Variants in STXBP5 observed in about 807,000 individuals in gnomAD.
STXBP5 encodes syntaxin binding protein 5, also known as syntaxin-binding protein 5.
In STXBP5, 50 loss-of-function variants were observed where a neutral mutation model predicts 152.4. The observed-to-expected ratio is 0.33, with a 90% CI of 0.26 to 0.42. STXBP5 has a LOEUF of 0.42. STXBP5 is among the 10% of genes least tolerant of loss of function. The pLI is 1.00. For synonymous variants in STXBP5, 492 were observed against 494.7 expected, an observed-to-expected ratio of 0.99 and a Z score of 0.07; for missense variants, 1,167 against 1,388.6, an observed-to-expected ratio of 0.84 and a Z score of 2.54.
intron 11 of STXBP5, 29 bp from the exon 12 acceptor site, chr6:147,313,854 AT>A (rs1396575122): frequency 7.1e-7 from 1 of 1,409,766 alleles, no homozygotes; most frequent in Admixed American, 1.9e-5. Flanking sequence ...CATTAAATTA[AT>A]AAATACTTTT....
At chr6:147,252,981 A>G (rs1344662282) in intron 4 of STXBP5, among the ~76,000 whole-genome samples, 1 of 152,202 alleles carries the variant, frequency 6.6e-6, no homozygotes, top group African/African-American at 2.4e-5. Flanking sequence ...TCACCCTGAT[A>G]CCACAACCTT....
intron 21 of STXBP5, among the ~76,000 whole-genome samples, chr6:147,352,098 A>T (rs1784613241): frequency 6.6e-6 from 1 of 152,226 alleles, no homozygotes; most frequent in Non-Finnish European, 1.5e-5. Context: ...TTGAGGATGG[A>T]AAGTGGATTC....
At position 147,314,607 on chromosome 6, in the gene STXBP5, G is replaced by A; in HGVS notation, c.1373G>A (p.Gly458Glu). 6.2e-7 allele frequency: 1 copy of A among 1,608,578 alleles called. No individual in the cohort carries two copies. The highest frequency in any genetic ancestry group is 8.5e-7 in the Non-Finnish European group (1 of 1,177,876). ...PEIIITGHAD[G>E]SVKFWDASAI... Reference sequence around the variant, plus strand: ...ATTGCTTTTCTTAGGCATGCTGATGGGTCAGTTAAGTTCTGGGATGCTTCT... The same window carrying A: ...ATTGCTTTTCTTAGGCATGCTGATGAGTCAGTTAAGTTCTGGGATGCTTCT... The change falls in exon 14 of 28, where the codon GGG becomes GAG. Residue 458 changes from glycine to glutamate, a missense_variant. Coordinates refer to ENST00000321680, the MANE Select transcript of STXBP5 (RefSeq NM_001127715.4).
At chr6:147,380,692 C>G (rs1031254041) in intron 26 of STXBP5, among the ~76,000 whole-genome samples, 1 of 151,924 alleles carries the variant, frequency 6.6e-6, no homozygotes, top group African/African-American at 2.4e-5. Flanking sequence ...AAACATTGTG[C>G]TTCAAAGAAT....
intron 14 of STXBP5, 87 bp downstream of exon 14, chr6:147,314,723 TATTTA>T (rs1381028039): frequency 1.0e-6 from 1 of 987,456 alleles, no homozygotes; most frequent in Non-Finnish European, 1.4e-6. Context: ...GCATAACCAA[TATTTA>T]ATTTGAAATG....
In STXBP5 at chr6:147,339,382, T is replaced by G. The variant is rs1188873584; in HGVS notation, c.2252T>G (p.Ile751Arg). 5 of 1,491,222 alleles carry G rather than the reference T, an allele frequency of 3.4e-6. No individual in the cohort carries two copies. Among genetic ancestry groups the G allele is most frequent in the Non-Finnish European group, 4.4e-6 (5 of 1,128,334 alleles). 92.4% of individuals were successfully genotyped at this position (1,491,222 alleles called of 1,614,324 possible). ...TTTTCCAAGATGGTAGCCAATGATA[T>G]AGGTAGGAAATAGAAATTTCTATTT... The part of the protein sequence containing the change: ...RKFSKMVAND[I>R]AKMSRKLSLP... The change falls in exon 21 of 28, where the codon ATA (isoleucine) becomes AGA (arginine). Residue 751 changes from isoleucine (I) to arginine (R), a missense_variant and splice_region_variant. This residue lies in a region of STXBP5 where 833 missense variants were observed against 986.3 expected (regional missense o/e 0.84). Transcript: ENST00000321680.
At chr6:147,365,123 G>C (rs1325166038) in intron 25 of STXBP5, among the ~76,000 whole-genome samples, 1 of 152,144 alleles carries the variant, frequency 6.6e-6, no homozygotes, top group African/African-American at 2.4e-5. Context: ...ATAAATGTCA[G>C]ATGTTGTTGT....
At chr6:147,219,217 G>A (rs1777334910) in intron 2 of STXBP5, among the ~76,000 whole-genome samples, 1 of 152,070 alleles carries the variant, frequency 6.6e-6, no homozygotes, top group African/African-American at 2.4e-5. Flanking sequence ...TTAGAAAAAT[G>A]TTTTCTAAAT....
Position 147,213,477 on chromosome 6 carries a change from T to TGTGTGTGTGTGCGC in STXBP5, c.248+7410_248+7411insTGTGTGTGTGCGCG. Among the ~76,000 whole-genome samples the TGTGTGTGTGTGCGC allele has an allele frequency of 1.6e-3, 215 of 131,310 alleles. 1 individual carries two copies. Among genetic ancestry groups the TGTGTGTGTGTGCGC allele is most frequent in the African/African-American group, 6.5e-3 (205 of 31,352 alleles). The allele number at this position is 131,310 out of a possible 152,430, so 86.1% of individuals were successfully genotyped here. ...GTGTGTGTGTGTGTGTGTGTGTGTG[T>TGTGTGTGTGTGCGC]GCGCGCGCATATATATATTTTTTCT... is the stretch of plus-strand genomic sequence containing the variant. On this transcript the variant is annotated intron_variant, in intron 2 of 27. Coordinates refer to ENST00000321680, the MANE Select transcript of STXBP5 (RefSeq NM_001127715.4).
intron 10 of STXBP5, among the ~76,000 whole-genome samples, chr6:147,310,930 C>T (rs1357550051): frequency 6.6e-6 from 1 of 151,912 alleles, no homozygotes; most frequent in Non-Finnish European, 1.5e-5. Flanking sequence ...CAGCTGGGGG[C>T]ACCATATTAT....
rs139200863 is a variant in STXBP5, at chr6:147,370,283, A to G, written c.3082-3448A>G. ...AGGTCGTACAAAGGAGCAGAAGGAC[A>G]CTTGAGAGTGATGGATATATTCACA... On this transcript the variant is annotated intron_variant, in intron 25 of 27. Coordinates refer to ENST00000321680, the MANE Select transcript of STXBP5 (RefSeq NM_001127715.4). Among the ~76,000 whole-genome samples, 488 of 152,218 alleles carry G rather than the reference A, an allele frequency of 3.2e-3. 1 individual carries two copies. The highest frequency in any genetic ancestry group is 5.1e-3 in the Non-Finnish European group (345 of 67,936).
chr6:147,308,650 G>A (rs1782217364), intron 9 of STXBP5, among the ~76,000 whole-genome samples: 2 of 151,934 alleles, frequency 1.3e-5, no homozygotes. Context: ...ATAAAGCAAG[G>A]AAAGATACAT....
intron 18 of STXBP5, among the ~76,000 whole-genome samples, chr6:147,329,510 G>T (rs1425700811): frequency 6.7e-6 from 1 of 148,500 alleles, no homozygotes; most frequent in Non-Finnish European, 1.5e-5. Flanking sequence ...AGAATGATTG[G>T]TATAAAAATT....
chr6:147,353,091 C>A (rs1214130456), intron 21 of STXBP5, among the ~76,000 whole-genome samples: 2 of 152,042 alleles, frequency 1.3e-5, no homozygotes, highest in African/African-American at 4.8e-5. Context: ...CTGCAGTGAG[C>A]CTTGGTCACA....
chr6:147,263,017 A>G (rs1042876544), intron 6 of STXBP5, among the ~76,000 whole-genome samples: 18 of 152,114 alleles, frequency 1.2e-4, no homozygotes, highest in Non-Finnish European at 1.9e-4. Context: ...AGCTAAGTAA[A>G]TACCAGGAAG....
intron 22 of STXBP5, among the ~76,000 whole-genome samples, chr6:147,357,593 A>G (rs1044694245): frequency 2.0e-5 from 3 of 152,166 alleles, no homozygotes; most frequent in African/African-American, 7.2e-5. Flanking sequence ...GCTGCGGGTG[A>G]GGAGATCAGC....
At chr6:147,282,017 G>T (rs1458909624) in intron 8 of STXBP5, among the ~76,000 whole-genome samples, 3 of 152,092 alleles carry the variant, frequency 2.0e-5, no homozygotes, top group East Asian at 3.8e-4. Context: ...AATATTTATT[G>T]GTTCTACTGT....
chr6:147,361,388 A>G (rs1370668345), intron 23 of STXBP5, among the ~76,000 whole-genome samples: 1 of 152,220 alleles, frequency 6.6e-6, no homozygotes, highest in African/African-American at 2.4e-5. Flanking sequence ...GAATACAAAA[A>G]TAACTTTCAT....
chr6:147,365,604 T>A (rs932465106), intron 25 of STXBP5, among the ~76,000 whole-genome samples: 11 of 152,214 alleles, frequency 7.2e-5, no homozygotes, highest in Admixed American at 6.5e-4. Context: ...AACTATCTGC[T>A]ATGTGCCTTC....
Sources: allele counts gnomAD v4.1 joint callset (sites outside exome capture counted in the v4.1 genomes callset), GRCh38; gene constraint gnomAD v4.1.1; regional missense constraint gnomAD v4.1.1; transcripts MANE v1.5; gene names NCBI Gene and HGNC (gene_info 2026-07-23, HGNC 2026-07-21).